Variants in CCDC146 observed in about 807,000 individuals in gnomAD.
The protein encoded by CCDC146 is coiled-coil domain containing 146.
Under a neutral mutation model 119.3 loss-of-function variants are expected in CCDC146, and 92 were observed. That is an observed-to-expected ratio of 0.77 (90% CI 0.65 to 0.92). The LOEUF is 0.92. Ranked by LOEUF, CCDC146 falls within the 40% of genes least tolerant of loss-of-function variation. The probability of loss-of-function intolerance (pLI) is 0.00; values close to 1 mark genes in which losing one functional copy is unlikely to be tolerated. For missense variants in CCDC146, 1,000 were observed against 1,103.0 expected, an observed-to-expected ratio of 0.91 and a Z score of 1.32; for synonymous variants, 372 against 371.8, an observed-to-expected ratio of 1.00 and a Z score of -0.01.
Position 77,196,072 on chromosome 7 carries a change from G to A in CCDC146, c.156+28248G>A, listed in dbSNP as rs1791862825. The A allele has an allele frequency of 9.8e-6, 5 of 509,972 alleles. No individual in the cohort carries two copies. The highest frequency in any genetic ancestry group is 7.6e-5 in the African/African-American group (4 of 52,406). The allele number at this position is 509,972 out of a possible 1,614,324, so 31.6% of individuals were successfully genotyped here. Reference sequence around the variant, plus strand: ...TCAATATTGCTAATTGCTTGCAAGTGTTCATTGGATAACAGCATAACAACA... The same window carrying A: ...TCAATATTGCTAATTGCTTGCAAGTATTCATTGGATAACAGCATAACAACA... On this transcript the variant is annotated intron_variant, in intron 2 of 18. Coordinates refer to ENST00000285871, the MANE Select transcript of CCDC146 (RefSeq NM_020879.3). The surrounding 1 kb of genome is among the most constrained non-coding windows in gnomAD (Gnocchi z 4.2).
At chr7:77,260,982 A>G (rs1197592313) in intron 8 of CCDC146, among the ~76,000 whole-genome samples, 5 of 152,032 alleles carry the variant, frequency 3.3e-5, no homozygotes, top group Non-Finnish European at 7.4e-5. Flanking sequence ...TATCTCTGCC[A>G]GTCTGTTATT....
At chr7:77,217,934 A>T (rs150212189) in intron 2 of CCDC146, among the ~76,000 whole-genome samples, 1,929 of 152,322 alleles carry the variant, frequency 0.013, 47 homozygotes, top group African/African-American at 0.043. Context: ...AGCTTGCAGG[A>T]CTGGAAGTTG....
chr7:77,177,928 T>C (rs1791524661), intron 2 of CCDC146, among the ~76,000 whole-genome samples: 1 of 152,224 alleles, frequency 6.6e-6, no homozygotes. Flanking sequence ...TTTTTGTTAT[T>C]ATTGTTTTTA....
At chr7:77,145,481 G>C (rs1184811952) in intron 1 of CCDC146, among the ~76,000 whole-genome samples, 2 of 151,596 alleles carry the variant, frequency 1.3e-5, no homozygotes, top group African/African-American at 4.9e-5. Flanking sequence ...GTTTGCTCTT[G>C]CTTCTCTAGT....
intron 2 of CCDC146, among the ~76,000 whole-genome samples, chr7:77,186,522 A>C (rs909478098): frequency 6.6e-6 from 1 of 152,064 alleles, no homozygotes; most frequent in African/African-American, 2.4e-5. Context: ...GGGGTAAGTG[A>C]GGATGGTTAA....
chr7:77,293,350 A>G, intron 18 of CCDC146, 150 bp downstream of exon 18: 1 of 884,970 alleles, frequency 1.1e-6, no homozygotes, highest in Non-Finnish European at 1.7e-6. Context: ...AAGATATTCT[A>G]TGATAAGTCA....
At chr7:77,237,150 G>A in intron 3 of CCDC146, 121 bp downstream of exon 3, 2 of 777,056 alleles carry the variant, frequency 2.6e-6, no homozygotes, top group South Asian at 3.1e-5. Flanking sequence ...TTGCGTTCAG[G>A]GAGTTTGAGA....
chr7:77,142,465 A>C (rs1373394661), intron 1 of CCDC146, among the ~76,000 whole-genome samples: 2 of 151,926 alleles, frequency 1.3e-5, no homozygotes, highest in Non-Finnish European at 2.9e-5. Flanking sequence ...TACAATGTGC[A>C]GGTTTGTTAC....
At chr7:77,158,778 A>T (rs925533860) in intron 1 of CCDC146, among the ~76,000 whole-genome samples, 12 of 152,260 alleles carry the variant, frequency 7.9e-5, no homozygotes, top group African/African-American at 2.9e-4. Flanking sequence ...TCCACACCAC[A>T]AAGTACTGGG....
intron 2 of CCDC146, among the ~76,000 whole-genome samples, chr7:77,211,736 C>T (rs1299378705): frequency 1.3e-5 from 2 of 152,240 alleles, no homozygotes; most frequent in East Asian, 1.9e-4. Context: ...CTGCCTCAGC[C>T]TCCTGAGTAG....
Position 77,240,895 on chromosome 7 carries a change from A to G in CCDC146, c.240-796A>G, listed in dbSNP as rs1182539940. 4.6e-5 allele frequency among the ~76,000 whole-genome samples: 7 copies of G among 151,022 alleles called. No individual in the cohort carries two copies. The East Asian group carries it at 1.4e-3, about 29-fold the overall frequency. On this transcript the variant is annotated intron_variant, in intron 3 of 18. Transcript: ENST00000285871. ...CAATGCAGTATACCCCACTATATTT[A>G]GCCCTCATCTCTCCTTGATCTCTGT...
At chr7:77,211,254 T>C (rs1792176483) in intron 2 of CCDC146, among the ~76,000 whole-genome samples, 1 of 152,208 alleles carries the variant, frequency 6.6e-6, no homozygotes, top group Non-Finnish European at 1.5e-5. Context: ...TTTTACCACC[T>C]AAGCATGAAT....
intron 1 of CCDC146, among the ~76,000 whole-genome samples, chr7:77,162,711 C>T (rs959686896): frequency 2.6e-5 from 4 of 151,838 alleles, no homozygotes; most frequent in Admixed American, 2.0e-4. Flanking sequence ...TTGCATTGAA[C>T]CTGTAGATTG....
chr7:77,250,594 G>T (rs1352612959), intron 4 of CCDC146, among the ~76,000 whole-genome samples: 2 of 152,070 alleles, frequency 1.3e-5, no homozygotes, highest in Non-Finnish European at 2.9e-5. Flanking sequence ...ACTTCTCTCA[G>T]GAATTTTCAT....
At chr7:77,199,362 T>C in intron 2 of CCDC146, 3 of 1,614,154 alleles carry the variant, frequency 1.9e-6, no homozygotes, top group East Asian at 2.2e-5. Context: ...TGGCATTCTT[T>C]AGCTCAGAGG....
intron 2 of CCDC146, among the ~76,000 whole-genome samples, chr7:77,207,748 A>T (rs1230118261): frequency 6.6e-6 from 1 of 152,198 alleles, no homozygotes; most frequent in Non-Finnish European, 1.5e-5. Flanking sequence ...TATCTCTAAT[A>T]TGAGATGGTC....
intron 2 of CCDC146, chr7:77,198,404 A>G (rs1791916067): frequency 5.7e-6 from 4 of 703,050 alleles, no homozygotes; most frequent in Non-Finnish European, 7.0e-6. Context: ...TGAAAAGCCA[A>G]GGTTTGGAGA....
At chr7:77,292,609 T>G (rs1251309370) in intron 17 of CCDC146, among the ~76,000 whole-genome samples, 1 of 125,460 alleles carries the variant, frequency 8.0e-6, no homozygotes, top group African/African-American at 3.3e-5. Flanking sequence ...AGAGCGAGAC[T>G]CAGTCTCAAA....
intron 17 of CCDC146, among the ~76,000 whole-genome samples, chr7:77,289,485 A>C (rs1422592269): frequency 6.6e-6 from 1 of 152,242 alleles, no homozygotes; most frequent in African/African-American, 2.4e-5. Flanking sequence ...AGAACTGGAA[A>C]GTAGAAAGAC....
Sources: allele counts gnomAD v4.1 joint callset (sites outside exome capture counted in the v4.1 genomes callset), GRCh38; gene constraint gnomAD v4.1.1; non-coding constraint Gnocchi (gnomAD v3.1); transcripts MANE v1.5; gene names NCBI Gene and HGNC (gene_info 2026-07-23, HGNC 2026-07-21).